TRANK1: variants seen among roughly 807,000 people sequenced by gnomAD.
TRANK1 encodes the protein TPR and ankyrin repeat-containing protein 1.
Under a neutral mutation model 266.0 loss-of-function variants are expected in TRANK1, and 198 were observed. That is an observed-to-expected ratio of 0.74 (90% CI 0.66 to 0.84). The LOEUF (loss-of-function observed/expected upper bound fraction) is 0.84, where lower values mean the gene tolerates loss of function less well. Ranked by LOEUF, TRANK1 falls within the 40% of genes least tolerant of loss-of-function variation. The pLI, the probability that TRANK1 is intolerant of heterozygous loss-of-function variation, is 0.00. For missense variants in TRANK1, 3,326 were observed against 3,634.6 expected, an observed-to-expected ratio of 0.92 and a Z score of 2.18; for synonymous variants, 1,396 against 1,384.1, an observed-to-expected ratio of 1.01 and a Z score of -0.19.
At chr3:36,885,006 G>A (rs2079582666) in intron 8 of TRANK1, among the ~76,000 whole-genome samples, 1 of 151,366 alleles carries the variant, frequency 6.6e-6, no homozygotes, top group African/African-American at 2.4e-5. Context: ...GTTAATCAAA[G>A]ACCATAGTAA....
chr3:36,930,584 A>T (rs1441825770), intron 1 of TRANK1, among the ~76,000 whole-genome samples: 4 of 152,232 alleles, frequency 2.6e-5, no homozygotes, highest in Non-Finnish European at 5.9e-5. Flanking sequence ...CCAAATGAAT[A>T]AAAAAAGTCA....
At chr3:36,910,952 C>T (rs1401823864) in intron 1 of TRANK1, among the ~76,000 whole-genome samples, 1 of 151,636 alleles carries the variant, frequency 6.6e-6, no homozygotes, top group Non-Finnish European at 1.5e-5. Context: ...CACCTGTAAT[C>T]GCAGCTTCTT....
At chr3:36,901,021 GAA>G (rs958806797) in intron 3 of TRANK1, among the ~76,000 whole-genome samples, 1 of 150,130 alleles carries the variant, frequency 6.7e-6, no homozygotes, top group Admixed American at 6.6e-5. Context: ...AAGAGAGGAG[GAA>G]AAAAAAGTGT....
At chr3:36,853,659 C>CA in intron 13 of TRANK1, among the ~76,000 whole-genome samples, 1 of 152,036 alleles carries the variant, frequency 6.6e-6, no homozygotes, top group East Asian at 1.9e-4. Context: ...TAACCATACT[C>CA]AAAAAACAAA....
intron 1 of TRANK1, among the ~76,000 whole-genome samples, chr3:36,934,542 C>CA (rs1480751788): frequency 6.6e-6 from 1 of 152,170 alleles, no homozygotes; most frequent in Non-Finnish European, 1.5e-5. Context: ...GCACATTAGA[C>CA]AAGGGTCTAT....
intron 15 of TRANK1, chr3:36,850,262 A>G: frequency 7.1e-6 from 7 of 985,472 alleles, no homozygotes; most frequent in Non-Finnish European, 8.4e-6. Context: ...ATGAGTGTGC[A>G]TCTGATTTTA....
At chr3:36,842,537 G>A in intron 18 of TRANK1, 85 bp downstream of exon 18, 1 of 1,213,698 alleles carries the variant, frequency 8.2e-7, no homozygotes, top group South Asian at 1.3e-5. Context: ...TCCTTTCCTG[G>A]TGACAAACAC....
chr3:36,906,596 C>T (rs1467005497), intron 2 of TRANK1, among the ~76,000 whole-genome samples: 1 of 152,026 alleles, frequency 6.6e-6, no homozygotes, highest in South Asian at 2.1e-4. Context: ...TCCCTATGAT[C>T]GAGAGAGACA....
intron 1 of TRANK1, 94 bp downstream of exon 1, chr3:36,944,693 G>T (rs547967039): frequency 2.6e-5 from 37 of 1,426,532 alleles, no homozygotes; most frequent in Non-Finnish European, 3.5e-5. Context: ...CTACCTCAGG[G>T]TCGCCAGTCC....
intron 15 of TRANK1, chr3:36,850,739 T>C: frequency 1.0e-6 from 1 of 985,036 alleles, no homozygotes; most frequent in Non-Finnish European, 1.2e-6. Flanking sequence ...AATATTGTAA[T>C]AGTTGTGCTA....
intron 9 of TRANK1, among the ~76,000 whole-genome samples, chr3:36,868,131 C>G (rs1027942543): frequency 6.6e-6 from 1 of 152,174 alleles, no homozygotes; most frequent in African/African-American, 2.4e-5. Context: ...TGGAATAACT[C>G]GGTAAATAAT....
intron 8 of TRANK1, 136 bp downstream of exon 8, chr3:36,889,692 GT>G: frequency 8.2e-7 from 1 of 1,217,638 alleles, no homozygotes; most frequent in Non-Finnish European, 1.1e-6. Context: ...CCAAAATCAA[GT>G]TTAGTTCAAG....
chr3:36,900,871 A>AAAAAAAAAAAAAAAAAAAAAAAAAT (rs2079868465), intron 3 of TRANK1, among the ~76,000 whole-genome samples: 1 of 131,188 alleles, frequency 7.6e-6, no homozygotes, highest in Non-Finnish European at 1.6e-5. Flanking sequence ...AAAAAAAAAA[A>AAAAAAAAAAAAAAAAAAAAAAAAAT]AAAAAGATAA....
At chr3:36,864,772 C>G (rs1285151033) in intron 9 of TRANK1, among the ~76,000 whole-genome samples, 1 of 152,020 alleles carries the variant, frequency 6.6e-6, no homozygotes, top group Non-Finnish European at 1.5e-5. Flanking sequence ...GAGGCTGTGG[C>G]CTTCATCATG....
chr3:36,875,282 T>C (rs2079370644), intron 8 of TRANK1, among the ~76,000 whole-genome samples: 1 of 152,246 alleles, frequency 6.6e-6, no homozygotes, highest in Admixed American at 6.5e-5. Flanking sequence ...GGTCAGAGAT[T>C]CAGAGTATGA....
In TRANK1 at chr3:36,864,389, C is replaced by G; in HGVS notation, c.1170G>C (p.Arg390=). ...GCTTCAGAAAGTTTTTATGCAATAA[C>G]CGGTTTCCTGAGTTCATATACTTCA... ...QLVKYMNSGN[R]LLHKNFLKQE... is the part of the protein sequence containing the mutation. Residue 390 remains arginine (R), a synonymous_variant, in exon 10 of 24, where the codon CGG becomes CGC. Coordinates refer to ENST00000645898, the MANE Select transcript of TRANK1 (RefSeq NM_001329998.2). 6.5e-7 allele frequency: 1 copy of G among 1,537,064 alleles called. No individual in the cohort carries two copies. Among genetic ancestry groups the G allele is most frequent in the Non-Finnish European group, 8.7e-7 (1 of 1,146,812 alleles).
At chr3:36,851,956 C>T in intron 14 of TRANK1, 100 bp from the exon 15 acceptor site, 3 of 1,451,806 alleles carry the variant, frequency 2.1e-6, no homozygotes, top group Middle Eastern at 1.8e-4. Flanking sequence ...AGAGAAATGG[C>T]CAGCATAAAC....
chr3:36,866,050 GAAAAAGAA>G (rs770757337), intron 9 of TRANK1, among the ~76,000 whole-genome samples: 17 of 89,946 alleles, frequency 1.9e-4, no homozygotes, highest in South Asian at 3.7e-4. Context: ...CAGACAGAAA[GAAAAAGAA>G]AGAAAGAAAG....
intron 8 of TRANK1, among the ~76,000 whole-genome samples, chr3:36,888,400 G>A (rs2079638038): frequency 6.6e-6 from 1 of 152,200 alleles, no homozygotes; most frequent in African/African-American, 2.4e-5. Context: ...GTTCTAAAAT[G>A]TATTGTGATG....
Sources: allele counts gnomAD v4.1 joint callset (sites outside exome capture counted in the v4.1 genomes callset), GRCh38; gene constraint gnomAD v4.1.1; transcripts MANE v1.5; gene names NCBI Gene and HGNC (gene_info 2026-07-23, HGNC 2026-07-21).